IGF2BP3: variants seen among roughly 807,000 people sequenced by gnomAD.
The protein encoded by IGF2BP3 is insulin-like growth factor 2 mRNA-binding protein 3.
IGF2BP3 carries 9 observed loss-of-function variants against 73.8 expected under a neutral mutation model. That is an observed-to-expected ratio of 0.12 (90% CI 0.07 to 0.21). The LOEUF (loss-of-function observed/expected upper bound fraction) is 0.21. Ranked by LOEUF, IGF2BP3 falls within the 10% of genes least tolerant of loss-of-function variation. The pLI is 1.00. For synonymous variants in IGF2BP3, 258 were observed against 256.7 expected (o/e 1.01, Z -0.05); for missense variants, 542 against 714.0 (o/e 0.76, Z 2.75).
At chr7:23,415,489 C>T (rs1380825954) in intron 3 of IGF2BP3, 69 of 222,204 alleles carry the variant, frequency 3.1e-4, no homozygotes, top group Non-Finnish European at 5.3e-4. Flanking sequence ...ATCCGCAGGT[C>T]CCCCTCCGTC....
chr7:23,323,860 C>A (rs1454241742), intron 10 of IGF2BP3, among the ~76,000 whole-genome samples: 1 of 151,964 alleles, frequency 6.6e-6, no homozygotes, highest in East Asian at 1.9e-4. Flanking sequence ...TAAAGATGTT[C>A]TTTGAAACCA....
In IGF2BP3 at chr7:23,415,317, C is replaced by T. The variant is rs904638187; in HGVS notation, c.285+3459G>A. The T allele has an allele frequency of 3.3e-5, 8 of 242,088 alleles. No individual in the cohort carries two copies. In the East Asian group the frequency reaches 5.4e-4, roughly 16 times the overall value. 15.0% of individuals were successfully genotyped at this position (242,088 alleles called of 1,614,324 possible). On this transcript the variant is annotated intron_variant, in intron 3 of 14. Coordinates refer to ENST00000258729, the MANE Select transcript of IGF2BP3 (RefSeq NM_006547.3). ...CAGCATCACCACATCCGCAGGTCCC[C>T]GTTCATCGGCTTCACCGCATCCGCA...
At chr7:23,315,351 A>G (rs899329629) in intron 12 of IGF2BP3, among the ~76,000 whole-genome samples, 2 of 152,014 alleles carry the variant, frequency 1.3e-5, no homozygotes, top group Non-Finnish European at 2.9e-5. Flanking sequence ...CAAGTGATCT[A>G]CCCACCTAGG....
chr7:23,416,961 C>A (rs1390026378), intron 3 of IGF2BP3, among the ~76,000 whole-genome samples: 1 of 152,128 alleles, frequency 6.6e-6, no homozygotes, highest in Non-Finnish European at 1.5e-5. Flanking sequence ...GAGGCTGAGG[C>A]AGGAGAATCA....
chr7:23,377,073 AAGG>A (rs1785744781), intron 3 of IGF2BP3, among the ~76,000 whole-genome samples: 1 of 152,166 alleles, frequency 6.6e-6, no homozygotes. Flanking sequence ...TTATAAACTT[AAGG>A]AGTCCAATTA....
At chr7:23,345,299 T>G (rs868722438) in intron 8 of IGF2BP3, among the ~76,000 whole-genome samples, 1 of 152,256 alleles carries the variant, frequency 6.6e-6, no homozygotes, top group Non-Finnish European at 1.5e-5. Flanking sequence ...CAGTTATCTG[T>G]AGTCCCACAC....
At chr7:23,397,205 G>A (rs1207063796) in intron 3 of IGF2BP3, among the ~76,000 whole-genome samples, 1 of 152,200 alleles carries the variant, frequency 6.6e-6, no homozygotes, top group Non-Finnish European at 1.5e-5. Flanking sequence ...GTTCAGAGAA[G>A]CTGACTTGGA....
In IGF2BP3 at chr7:23,470,190, C is replaced by G; in HGVS notation, c.-80G>C. The G allele has an allele frequency of 8.3e-7, 1 of 1,210,928 alleles. No homozygotes were observed. The highest frequency in any genetic ancestry group is 1.5e-5 in the South Asian group (1 of 66,092). The allele number at this position is 1,210,928 out of a possible 1,614,324, so 75.0% of individuals were successfully genotyped here. A position where few individuals can be genotyped will look rare whatever the true frequency, so the allele number is the denominator to read the frequency against. ...CACCCACGGTGATGGATGGATCCAG[C>G]TGGTTTTGTTCCCCTCGTCTTCTCG... On this transcript the variant is annotated 5_prime_UTR_variant, in exon 1 of 15. Coordinates refer to ENST00000258729, the MANE Select transcript of IGF2BP3 (RefSeq NM_006547.3).
At chr7:23,384,755 G>A (rs1287438511) in intron 3 of IGF2BP3, among the ~76,000 whole-genome samples, 2 of 152,166 alleles carry the variant, frequency 1.3e-5, no homozygotes, top group African/African-American at 4.8e-5. Context: ...GCTGGGTGTG[G>A]TGGTGCGTGC....
At chr7:23,409,341 G>A (rs984817424) in intron 3 of IGF2BP3, among the ~76,000 whole-genome samples, 1 of 152,034 alleles carries the variant, frequency 6.6e-6, no homozygotes, top group Non-Finnish European at 1.5e-5. Context: ...GGGTTTTTTT[G>A]TTGTTAACTT....
chr7:23,401,574 G>A (rs1235707773), intron 3 of IGF2BP3, among the ~76,000 whole-genome samples: 2 of 152,024 alleles, frequency 1.3e-5, no homozygotes, highest in Non-Finnish European at 2.9e-5. Flanking sequence ...AGACCAGCCT[G>A]GCCATCACGG....
At chr7:23,400,175 G>GA (rs1414531772) in intron 3 of IGF2BP3, among the ~76,000 whole-genome samples, 1 of 152,136 alleles carries the variant, frequency 6.6e-6, no homozygotes, top group Non-Finnish European at 1.5e-5. Flanking sequence ...AAAACAATGT[G>GA]AAAAAGTTCT....
intron 2 of IGF2BP3, among the ~76,000 whole-genome samples, chr7:23,458,666 A>G (rs1788375227): frequency 6.6e-6 from 1 of 152,186 alleles, no homozygotes; most frequent in African/African-American, 2.4e-5. Context: ...AGATGAAGCT[A>G]CTAAAAAACA....
chr7:23,321,505 C>T (rs1212625278), intron 10 of IGF2BP3, among the ~76,000 whole-genome samples: 5 of 152,188 alleles, frequency 3.3e-5, no homozygotes, highest in Non-Finnish European at 5.9e-5. Context: ...GAGGGGTGCC[C>T]GCCATTGCCC....
chr7:23,444,738 GTC>G (rs1788018477), intron 2 of IGF2BP3, among the ~76,000 whole-genome samples: 1 of 103,800 alleles, frequency 9.6e-6, no homozygotes, highest in South Asian at 3.2e-4. Flanking sequence ...GCAAGACTCT[GTC>G]TCAAAAAAAA....
chr7:23,338,612 C>T (rs1269374721), intron 10 of IGF2BP3, among the ~76,000 whole-genome samples: 1 of 152,154 alleles, frequency 6.6e-6, no homozygotes, highest in Non-Finnish European at 1.5e-5. Context: ...AAGTGGGACA[C>T]AAGTTCTTAA....
At chr7:23,394,173 C>T (rs1786374791) in intron 3 of IGF2BP3, among the ~76,000 whole-genome samples, 1 of 152,104 alleles carries the variant, frequency 6.6e-6, no homozygotes, top group Non-Finnish European at 1.5e-5. Flanking sequence ...ATCTACTTCC[C>T]AAAATGATAA....
intron 3 of IGF2BP3, among the ~76,000 whole-genome samples, chr7:23,388,066 G>A (rs1470703954): frequency 1.3e-5 from 2 of 151,830 alleles, no homozygotes; most frequent in Non-Finnish European, 2.9e-5. Context: ...TCAGCCTCCC[G>A]AGTAGCTGGG....
chr7:23,317,527 G>T, intron 12 of IGF2BP3, 112 bp downstream of exon 12: 3 of 773,898 alleles, frequency 3.9e-6, no homozygotes, highest in South Asian at 1.6e-5. Context: ...TCTTAGATAA[G>T]AATTTCCATT....
Sources: gnomAD v4.1 joint callset for allele counts (sites outside exome capture counted in the v4.1 genomes callset) on GRCh38, gnomAD v4.1.1 for gene constraint, MANE v1.5 for transcripts, NCBI Gene and HGNC (gene_info 2026-07-23, HGNC 2026-07-21) for gene names.